PCDHA1: variants seen among roughly 807,000 people sequenced by gnomAD.
PCDHA1 encodes protocadherin alpha 1.
PCDHA1 carries 42 observed loss-of-function variants against 61.3 expected under a neutral mutation model. The observed-to-expected ratio is 0.69, with a 90% CI of 0.54 to 0.89. The LOEUF is 0.89. Among genes scored for constraint, PCDHA1 ranks in the 40% least tolerant of loss-of-function variants. The pLI is 0.00. For synonymous variants in PCDHA1, 610 were observed against 553.8 expected, an observed-to-expected ratio of 1.10 and a Z score of -1.43; for missense variants, 1,256 against 1,235.3, an observed-to-expected ratio of 1.02 and a Z score of -0.25.
At chr5:140,977,263 TAC>T (rs1466968557) in intron 1 of PCDHA1, among the ~76,000 whole-genome samples, 4 of 152,230 alleles carry the variant, frequency 2.6e-5, no homozygotes, top group Admixed American at 1.3e-4. Flanking sequence ...CAGCAGATGT[TAC>T]AGTCTTTCTC....
chr5:140,884,684 T>C (rs2060315542), intron 1 of PCDHA1: 1 of 1,543,214 alleles, frequency 6.5e-7, no homozygotes. Flanking sequence ...TTTTAAAAAA[T>C]TGTCTTAGTA....
chr5:140,828,200 G>A (rs2150152362), intron 1 of PCDHA1: 44 of 1,614,052 alleles, frequency 2.7e-5, no homozygotes, highest in Non-Finnish European at 3.6e-5. Context: ...CTCCGTACCC[G>A]AGGAGGCCAA....
chr5:140,976,615 G>C (rs1264627090), intron 1 of PCDHA1, among the ~76,000 whole-genome samples: 2 of 152,102 alleles, frequency 1.3e-5, no homozygotes, highest in Admixed American at 1.3e-4. Context: ...AAACATGACT[G>C]TCAGCTGAAC....
rs1554165105 is a variant in PCDHA1 at position 140,871,093 on chromosome 5, G to A, written c.2394+82409G>A. 3 of 1,613,300 alleles carry A rather than the reference G, an allele frequency of 1.9e-6. No individual in the cohort carries two copies. Among genetic ancestry groups the A allele is most frequent in the East Asian group, 4.5e-5 (2 of 44,870 alleles). ...GCCGGCGCTGACGGCCACGGCCACC[G>A]TGCTGGTGTCGTTGGTGGAGAGCGG... On this transcript the variant is annotated intron_variant, in intron 1 of 3. Transcript: ENST00000504120.
chr5:140,958,197 A>G (rs896064147), intron 1 of PCDHA1, among the ~76,000 whole-genome samples: 7 of 152,140 alleles, frequency 4.6e-5, no homozygotes, highest in Non-Finnish European at 1.0e-4. Context: ...CTGGTCTAGT[A>G]TACAAGGGAA....
At chr5:140,966,806 C>T in intron 1 of PCDHA1, 1 of 1,546,832 alleles carries the variant, frequency 6.5e-7, no homozygotes, top group Non-Finnish European at 8.7e-7. Context: ...GACAGAGCAT[C>T]CACGGCTCCG....
In PCDHA1 at chr5:140,849,582, G is replaced by T. The variant is rs2150441329; in HGVS notation, c.2394+60898G>T. 1.0e-5 allele frequency: 16 copies of T among 1,598,576 alleles called. 1 individual carries two copies. Among genetic ancestry groups the T allele is most frequent in the African/African-American group, 1.3e-5 (1 of 74,328 alleles). On this transcript the variant is annotated intron_variant, in intron 1 of 3. Transcript: ENST00000504120. ...GCTCTCGGTTCCTGTAAAAGAGGAC[G>T]CACAACTGGGGACAGTTATTGCCCT...
At chr5:140,830,010 C>G in intron 1 of PCDHA1, 6 of 1,613,914 alleles carry the variant, frequency 3.7e-6, no homozygotes, top group Non-Finnish European at 5.1e-6. Context: ...CTGGACGAAG[C>G]GGACTCTCCG....
intron 1 of PCDHA1, among the ~76,000 whole-genome samples, chr5:140,820,863 C>T (rs1201263924): frequency 1.3e-5 from 2 of 151,812 alleles, no homozygotes; most frequent in South Asian, 2.1e-4. Context: ...TATCTAGATG[C>T]TTCTAATTTG....
chr5:140,792,138 A>T (rs548447898), intron 1 of PCDHA1, among the ~76,000 whole-genome samples: 3 of 151,922 alleles, frequency 2.0e-5, no homozygotes, highest in East Asian at 1.9e-4. Context: ...TTTAGGGGAA[A>T]TTTTTTTCTT....
chr5:140,799,492 C>T (rs762843253), intron 1 of PCDHA1, among the ~76,000 whole-genome samples: 1 of 152,002 alleles, frequency 6.6e-6, no homozygotes, highest in Admixed American at 6.5e-5. Flanking sequence ...TAGGTCCATG[C>T]TTTTCAGAAA....
rs1554146062 is a variant in PCDHA1, at chr5:140,852,704, C to G, written c.2394+64020C>G. The G allele has an allele frequency of 8.2e-6, 8 of 978,408 alleles. 1 individual carries two copies. The highest frequency in any genetic ancestry group is 7.4e-6 in the Non-Finnish European group (6 of 811,580). The allele number at this position is 978,408 out of a possible 1,614,324, so 60.6% of individuals were successfully genotyped here. ...AATATAGTCTTATACTTTCAAGTAT[C>G]TTTGTCTTTGCACGTTTTTCAAGTT... On this transcript the variant is annotated intron_variant, in intron 1 of 3. Transcript: ENST00000504120.
chr5:140,882,596 G>C, intron 1 of PCDHA1: 1 of 1,614,248 alleles, frequency 6.2e-7, no homozygotes, highest in Non-Finnish European at 8.5e-7. Context: ...GGAGGTGATC[G>C]TGGACAGGCC....
chr5:140,852,181 G>A, intron 1 of PCDHA1: 3 of 755,216 alleles, frequency 4.0e-6, no homozygotes, highest in Non-Finnish European at 5.0e-6. Flanking sequence ...AAATAACTAT[G>A]AAAATGCCAG....
intron 1 of PCDHA1, chr5:140,968,517 C>T: frequency 6.2e-7 from 1 of 1,614,206 alleles, no homozygotes; most frequent in Non-Finnish European, 8.5e-7. Flanking sequence ...TACCCTACCT[C>T]AACCAACTCG....
intron 1 of PCDHA1, chr5:140,815,097 C>T (rs1765652812): frequency 6.6e-6 from 1 of 152,072 alleles, no homozygotes; most frequent in African/African-American, 2.4e-5. Context: ...AAGCAAATCT[C>T]TTGTAGTTAG....
rs112749867 is a variant in PCDHA1 at position 140,870,111 on chromosome 5, G to T, written c.2394+81427G>T. On this transcript the variant is annotated intron_variant, in intron 1 of 3. Coordinates refer to ENST00000504120, the MANE Select transcript of PCDHA1 (RefSeq NM_018900.4). ...CAATGGCAGGTCACTGTACAGTCTG[G>T]GTGGAAATCTTGGACACCAACGATA... is the stretch of plus-strand genomic sequence containing the variant. 32 of 1,613,880 alleles carry T rather than the reference G, an allele frequency of 2.0e-5. 1 individual carries two copies. In the African/African-American group the frequency reaches 2.0e-4, roughly 10 times the overall value.
In PCDHA1 at chr5:140,982,530, C is replaced by G; in HGVS notation, c.2509C>G (p.Gln837Glu). The G allele has an allele frequency of 1.2e-6, 2 of 1,614,200 alleles. No homozygotes were observed. The highest frequency in any genetic ancestry group is 3.3e-5 in the Admixed American group (2 of 60,020). ...ILRAGPGGPDQQWPTVSSATP... is the reference protein window; with the variant it reads ...ILRAGPGGPDEQWPTVSSATP... ...ACGGGCTGGTCCAGGAGGGCCTGATCAGCAGTGGCCAACAGTATCCAGTGC... is the reference window on the plus strand; with the variant it reads ...ACGGGCTGGTCCAGGAGGGCCTGATGAGCAGTGGCCAACAGTATCCAGTGC... The change falls in exon 3 of 4, where the codon CAG (glutamine) becomes GAG (glutamate). Residue 837 changes from glutamine to glutamate, a missense_variant. By Grantham distance (29) the Gln-to-Glu change is conservative. Transcript: ENST00000504120.
At chr5:140,875,103 A>ACTAATATCATG (rs2055275043) in intron 1 of PCDHA1, among the ~76,000 whole-genome samples, 2 of 152,340 alleles carry the variant, frequency 1.3e-5, no homozygotes, top group African/African-American at 4.8e-5. Context: ...ATGTTTTGTT[A>ACTAATATCATG]CTAATATCAT....
Sources: allele counts gnomAD v4.1 joint callset (sites outside exome capture counted in the v4.1 genomes callset), GRCh38; gene constraint gnomAD v4.1.1; transcripts MANE v1.5; gene names NCBI Gene and HGNC (gene_info 2026-07-23, HGNC 2026-07-21).